Variants in TCF12 observed in about 807,000 individuals in gnomAD.
TCF12 encodes the protein DNA-binding protein HTF4.
TCF12 carries 45 observed loss-of-function variants against 86.0 expected under a neutral mutation model. The ratio of observed to expected loss-of-function variants is 0.52; its 90% CI spans 0.41 to 0.67. The LOEUF (loss-of-function observed/expected upper bound fraction) is 0.67. TCF12 is among the 30% of genes least tolerant of loss of function. The probability of loss-of-function intolerance (pLI) is 0.00; values close to 1 mark genes in which losing one functional copy is unlikely to be tolerated. For synonymous variants in TCF12, 330 were observed against 299.6 expected (o/e 1.10, Z -1.05); for missense variants, 881 against 859.9 (o/e 1.02, Z -0.31).
chr15:56,958,678 AGTGTGTGTGTGTGT>A (rs55707134), intron 3 of TCF12, among the ~76,000 whole-genome samples: 56,156 of 142,126 alleles, frequency 0.4, 13,174 homozygotes, highest in Non-Finnish European at 0.52. Flanking sequence ...AGAGAGAGAG[AGTGTGTGTGTGTGT>A]GTGTGTGTGT....
chr15:56,938,915 G>C (rs927007222), intron 3 of TCF12, among the ~76,000 whole-genome samples: 2 of 152,022 alleles, frequency 1.3e-5, no homozygotes, highest in African/African-American at 2.4e-5. Context: ...TCCCTGCTGG[G>C]TATCAAAACA....
At chr15:56,984,559 T>TA (rs1350904726) in intron 3 of TCF12, among the ~76,000 whole-genome samples, 6 of 151,786 alleles carry the variant, frequency 4.0e-5, no homozygotes, top group African/African-American at 1.5e-4. Context: ...AAAATAATGG[T>TA]AAAAAAAATT....
intron 3 of TCF12, among the ~76,000 whole-genome samples, chr15:57,011,064 A>G (rs915618017): frequency 3.3e-5 from 5 of 152,146 alleles, no homozygotes; most frequent in Admixed American, 6.5e-5. Context: ...TAGACTCTGT[A>G]TAAAATGGTT....
chr15:57,174,014 T>A (rs2055728278), intron 6 of TCF12, among the ~76,000 whole-genome samples: 1 of 152,232 alleles, frequency 6.6e-6, no homozygotes, highest in African/African-American at 2.4e-5. Context: ...CCTGTATATC[T>A]ATTAATGAAA....
At chr15:56,997,012 C>T (rs1461113669) in intron 3 of TCF12, among the ~76,000 whole-genome samples, 2 of 152,128 alleles carry the variant, frequency 1.3e-5, no homozygotes. Flanking sequence ...GAACACATAA[C>T]ACTATTGGTG....
intron 3 of TCF12, among the ~76,000 whole-genome samples, chr15:56,947,808 C>A (rs571965433): frequency 2.4e-4 from 36 of 152,266 alleles, no homozygotes; most frequent in Middle Eastern, 3.4e-3. Flanking sequence ...GAAGCCATGA[C>A]AGCCACATAT....
intron 3 of TCF12, among the ~76,000 whole-genome samples, chr15:56,925,377 C>T (rs1595702452): frequency 6.6e-6 from 1 of 151,280 alleles, no homozygotes; most frequent in South Asian, 2.1e-4. Context: ...TTTTTGTTTT[C>T]ATTAGCCATT....
intron 4 of TCF12, among the ~76,000 whole-genome samples, chr15:57,072,229 A>G (rs927955659): frequency 6.6e-6 from 1 of 152,164 alleles, no homozygotes; most frequent in African/African-American, 2.4e-5. Context: ...AAACTGGTAC[A>G]ACTAAGTGAC....
At chr15:57,283,384 C>T (rs1295913657) in intron 20 of TCF12, among the ~76,000 whole-genome samples, 5 of 152,052 alleles carry the variant, frequency 3.3e-5, no homozygotes, top group South Asian at 4.1e-4. Flanking sequence ...CTCAGCCTCC[C>T]GAGTAGACTA....
At chr15:57,090,321 A>G (rs1342957477) in intron 4 of TCF12, among the ~76,000 whole-genome samples, 1 of 152,238 alleles carries the variant, frequency 6.6e-6, no homozygotes, top group African/African-American at 2.4e-5. Context: ...ATGTGGCTGT[A>G]TCAGACAGGA....
intron 3 of TCF12, among the ~76,000 whole-genome samples, chr15:56,969,825 G>C (rs1324404061): frequency 1.3e-5 from 2 of 152,196 alleles, no homozygotes; most frequent in Non-Finnish European, 2.9e-5. Context: ...GGATTGGAGT[G>C]AGTGTTGAGA....
At chr15:57,101,110 C>T (rs2049712257) in intron 5 of TCF12, among the ~76,000 whole-genome samples, 1 of 152,050 alleles carries the variant, frequency 6.6e-6, no homozygotes, top group African/African-American at 2.4e-5. Flanking sequence ...TTTCATAATT[C>T]ATGGTTTTTG....
chr15:57,265,116 AGT>A (rs1367172257), intron 18 of TCF12, among the ~76,000 whole-genome samples: 20 of 148,304 alleles, frequency 1.3e-4, no homozygotes, highest in Non-Finnish European at 2.7e-4. Context: ...AGTATAGTAT[AGT>A]ATAGTATAGT....
At chr15:57,017,352 G>A (rs2065211912) in intron 3 of TCF12, among the ~76,000 whole-genome samples, 1 of 152,230 alleles carries the variant, frequency 6.6e-6, no homozygotes. Context: ...TCGCCCTTGA[G>A]ACAAATCTGG....
chr15:57,254,710 T>A (rs1489043552), intron 16 of TCF12, among the ~76,000 whole-genome samples: 4 of 151,700 alleles, frequency 2.6e-5, no homozygotes, highest in African/African-American at 9.7e-5. Context: ...AAAAAAAAAT[T>A]AGTCTGGCAC....
At chr15:57,226,773 C>T (rs1260792975) in intron 8 of TCF12, among the ~76,000 whole-genome samples, 4 of 151,868 alleles carry the variant, frequency 2.6e-5, no homozygotes, top group Non-Finnish European at 5.9e-5. Flanking sequence ...CTTAAACTGC[C>T]GGATAAGAAG....
intron 3 of TCF12, among the ~76,000 whole-genome samples, chr15:57,036,750 C>G (rs2066528089): frequency 6.6e-6 from 1 of 151,982 alleles, no homozygotes; most frequent in Non-Finnish European, 1.5e-5. Context: ...ATACAAATTC[C>G]TTATGTAATT....
chr15:56,918,370 C>CT, upstream of TCF12: 2 of 386,578 alleles, frequency 5.2e-6, no homozygotes, highest in South Asian at 1.8e-5. Flanking sequence ...CCTGCCACCC[C>CT]GCTCCCAGGA....
At chr15:57,159,826 A>T (rs72731964) in intron 5 of TCF12, among the ~76,000 whole-genome samples, 28,288 of 152,224 alleles carry the variant, frequency 0.19, 3,219 homozygotes, top group Non-Finnish European at 0.25. Context: ...GTTGGCTTCC[A>T]TACAAATAGA....
Sources: gnomAD v4.1 joint callset for allele counts (sites outside exome capture counted in the v4.1 genomes callset) on GRCh38, gnomAD v4.1.1 for gene constraint, MANE v1.5 for transcripts, NCBI Gene and HGNC (gene_info 2026-07-23, HGNC 2026-07-21) for gene names.